The following MSH4 variants were observed in gnomAD, a reference collection of about 807,000 sequenced individuals.
MSH4 encodes the protein mutS protein homolog 4.
A neutral mutation model predicts 113.7 loss-of-function variants in MSH4; 106 were observed. The observed-to-expected ratio is 0.93, with a 90% CI of 0.80 to 1.10. The LOEUF (loss-of-function observed/expected upper bound fraction) is 1.10, where lower values mean the gene tolerates loss of function less well. MSH4 is among the 50% of genes least tolerant of loss of function. MSH4 has a pLI of 0.00. For missense variants in MSH4, 1,061 were observed against 1,093.7 expected, an observed-to-expected ratio of 0.97 and a Z score of 0.42; for synonymous variants, 368 against 380.2, an observed-to-expected ratio of 0.97 and a Z score of 0.37.
intron 2 of MSH4, among the ~76,000 whole-genome samples, chr1:75,804,142 C>CA (rs1223816227): frequency 5.3e-5 from 8 of 152,026 alleles, no homozygotes; most frequent in African/African-American, 1.4e-4. Context: ...ACCATTCTGA[C>CA]AAAAAAACAC....
At chr1:75,877,042 C>A in intron 10 of MSH4, 42 bp downstream of exon 10, 1 of 1,281,994 alleles carries the variant, frequency 7.8e-7, no homozygotes, top group Non-Finnish European at 1.1e-6. Flanking sequence ...AGATTATTCT[C>A]TTCTTCCTGA....
chr1:75,865,504 A>G (rs917082147), intron 8 of MSH4, among the ~76,000 whole-genome samples: 3 of 152,208 alleles, frequency 2.0e-5, no homozygotes, highest in African/African-American at 2.4e-5. Context: ...CTGGGGAAGT[A>G]CTAGGGTTGG....
chr1:75,877,766 C>G (rs1403142300), intron 10 of MSH4, among the ~76,000 whole-genome samples: 1 of 152,170 alleles, frequency 6.6e-6, no homozygotes, highest in Non-Finnish European at 1.5e-5. Flanking sequence ...ATCTCTTCAC[C>G]TAGCACAGTG....
chr1:75,845,650 C>A (rs1332953188), intron 7 of MSH4, among the ~76,000 whole-genome samples: 1 of 152,170 alleles, frequency 6.6e-6, no homozygotes, highest in Admixed American at 6.5e-5. Flanking sequence ...TTTGCAGTCT[C>A]ATGCCCATGG....
chr1:75,804,052 T>C (rs1340244030), intron 2 of MSH4, 139 bp downstream of exon 2: 5 of 521,374 alleles, frequency 9.6e-6, no homozygotes, highest in Non-Finnish European at 1.2e-5. Flanking sequence ...TTTACCTCTA[T>C]CCATAATTTG....
chr1:75,897,789 T>C, intron 17 of MSH4, 118 bp from the exon 18 acceptor site: 1 of 530,954 alleles, frequency 1.9e-6, no homozygotes, highest in Non-Finnish European at 3.1e-6. Flanking sequence ...GTTTTATTCC[T>C]ACATCTCTGC....
chr1:75,836,291 T>G (rs1385056587), intron 7 of MSH4, among the ~76,000 whole-genome samples: 3 of 72,020 alleles, frequency 4.2e-5, no homozygotes, highest in Non-Finnish European at 8.3e-5. Flanking sequence ...TTTCTCTTTT[T>G]CTTTCTTTTT....
intron 14 of MSH4, among the ~76,000 whole-genome samples, chr1:75,882,379 A>C (rs1651952142): frequency 6.6e-6 from 1 of 152,102 alleles, no homozygotes; most frequent in East Asian, 1.9e-4. Flanking sequence ...ATTTTAGATA[A>C]AGGTATGGAA....
chr1:75,831,993 A>T (rs1254710656), intron 7 of MSH4, among the ~76,000 whole-genome samples: 1 of 152,222 alleles, frequency 6.6e-6, no homozygotes, highest in Non-Finnish European at 1.5e-5. Context: ...CAATGAATCA[A>T]GGAGCTGGTT....
chr1:75,837,227 G>A (rs1439359647), intron 7 of MSH4, among the ~76,000 whole-genome samples: 1 of 152,034 alleles, frequency 6.6e-6, no homozygotes, highest in Non-Finnish European at 1.5e-5. Flanking sequence ...GTCAGAAAGT[G>A]GGCTCTTACC....
At chr1:75,829,381 G>A (rs1225027939) in intron 7 of MSH4, among the ~76,000 whole-genome samples, 1 of 152,206 alleles carries the variant, frequency 6.6e-6, no homozygotes, top group South Asian at 2.1e-4. Flanking sequence ...TGAACAAAAG[G>A]CAGCAGAAAC....
intron 7 of MSH4, among the ~76,000 whole-genome samples, chr1:75,826,715 T>C (rs1156605558): frequency 1.3e-5 from 2 of 152,210 alleles, no homozygotes; most frequent in African/African-American, 2.4e-5. Flanking sequence ...AATTTTGTTA[T>C]TTACCCAGTA....
intron 19 of MSH4, among the ~76,000 whole-genome samples, chr1:75,905,779 G>C (rs549854562): frequency 6.6e-6 from 1 of 152,002 alleles, no homozygotes; most frequent in Non-Finnish European, 1.5e-5. Flanking sequence ...TTGCTGAATT[G>C]ACCCCTTTAT....
rs755450899 is a variant in MSH4 at position 75,890,765 on chromosome 1, A to G, written c.2296A>G (p.Asn766Asp). The change falls in exon 17 of 20, where the codon AAT (asparagine) becomes GAT (aspartate). Residue 766 changes from asparagine to aspartate, a missense_variant. Transcript: ENST00000263187. ...AATTGATGAACTTGGCAGAGGTACT[A>G]ATACGGAAGAAGGTATTGGCATTTG... ...ILIDELGRGT[N>D]TEEGIGICYA... The G allele has an allele frequency of 6.2e-6, 10 of 1,610,644 alleles. No individual in the cohort carries two copies. The African/African-American group carries it at 1.2e-4, about 19-fold the overall frequency.
At chr1:75,848,073 ATAGT>A (rs1292561070) in intron 7 of MSH4, 132 bp from the exon 8 acceptor site, 14 of 536,168 alleles carry the variant, frequency 2.6e-5, no homozygotes, top group Non-Finnish European at 4.6e-5. Context: ...TACATGTAAG[ATAGT>A]TAAAGAAGAC....
intron 2 of MSH4, among the ~76,000 whole-genome samples, chr1:75,804,549 C>T (rs1187467443): frequency 2.1e-5 from 3 of 141,702 alleles, no homozygotes; most frequent in Non-Finnish European, 4.5e-5. Context: ...CTCACTGTGT[C>T]GCCCAGGCTG....
chr1:75,856,160 G>A (rs989284082), intron 8 of MSH4, among the ~76,000 whole-genome samples: 7 of 151,944 alleles, frequency 4.6e-5, no homozygotes, highest in Admixed American at 2.6e-4. Flanking sequence ...AAGTCTTCTG[G>A]TCTAGGTTTA....
At chr1:75,819,265 G>A (rs1350707338) in intron 6 of MSH4, among the ~76,000 whole-genome samples, 1 of 152,148 alleles carries the variant, frequency 6.6e-6, no homozygotes, top group Non-Finnish European at 1.5e-5. Context: ...GGCCAACGTG[G>A]GTGGATCACT....
At chr1:75,851,505 G>A (rs547452281) in intron 8 of MSH4, among the ~76,000 whole-genome samples, 29 of 151,990 alleles carry the variant, frequency 1.9e-4, no homozygotes, top group Non-Finnish European at 3.7e-4. Context: ...TCTGTCTCCC[G>A]GCTTCAAGTG....
Sources: allele counts gnomAD v4.1 joint callset (sites outside exome capture counted in the v4.1 genomes callset), GRCh38; gene constraint gnomAD v4.1.1; transcripts MANE v1.5; gene names NCBI Gene and HGNC (gene_info 2026-07-23, HGNC 2026-07-21).